ANKRD36: variants seen among roughly 807,000 people sequenced by gnomAD.
ANKRD36 encodes the protein ankyrin repeat domain 36, also known as ankyrin repeat domain-containing protein 36A.
ANKRD36 carries 179 observed loss-of-function variants against 278.1 expected under a neutral mutation model. The observed-to-expected ratio is 0.64, with a 90% CI of 0.57 to 0.73. The LOEUF is 0.73. Ranked by LOEUF, ANKRD36 falls within the 30% of genes least tolerant of loss-of-function variation. The probability of loss-of-function intolerance (pLI) is 0.00; values close to 1 mark genes in which losing one functional copy is unlikely to be tolerated. For missense variants in ANKRD36, 1,159 were observed against 1,956.7 expected (o/e 0.59, Z 7.69); for synonymous variants, 320 against 641.1 (o/e 0.50, Z 7.57).
At chr2:97,225,278 C>A (rs2069056035) in intron 67 of ANKRD36, among the ~76,000 whole-genome samples, 1 of 151,978 alleles carries the variant, frequency 6.6e-6, no homozygotes, top group African/African-American at 2.4e-5. Context: ...TCAAACTTTG[C>A]AGTTTTTTTA....
intron 6 of ANKRD36, among the ~76,000 whole-genome samples, chr2:97,135,631 C>T (rs2443902): frequency 0.84 from 125,525 of 149,204 alleles, 54,256 homozygotes; most frequent in Non-Finnish European, 0.89. Context: ...TCACGTGATC[C>T]TGGATCCGTG....
intron 32 of ANKRD36, among the ~76,000 whole-genome samples, 167 bp from the exon 33 acceptor site, chr2:97,188,920 A>C (rs1242153131): frequency 1.1e-5 from 1 of 89,484 alleles, no homozygotes; most frequent in African/African-American, 2.6e-5. Flanking sequence ...ATTCCCTTTT[A>C]CCAGTGTATT....
intron 1 of ANKRD36, among the ~76,000 whole-genome samples, chr2:97,117,188 G>GT: frequency 6.6e-6 from 1 of 150,706 alleles, no homozygotes; most frequent in Non-Finnish European, 1.5e-5. Flanking sequence ...ATAACATTCT[G>GT]TAAGTATTGA....
chr2:97,134,920 TA>T (rs980370843), intron 6 of ANKRD36, among the ~76,000 whole-genome samples: 4 of 152,032 alleles, frequency 2.6e-5, no homozygotes, highest in Non-Finnish European at 5.9e-5. Flanking sequence ...TTGAAGGAGC[TA>T]AAAAAGAAAG....
intron 14 of ANKRD36, among the ~76,000 whole-genome samples, chr2:97,154,100 G>T (rs879164854): frequency 1.3e-3 from 193 of 144,698 alleles, no homozygotes; most frequent in African/African-American, 4.6e-3. Context: ...TCAAACATTT[G>T]CAGTGTTTCA....
At chr2:97,206,247 G>T (rs1256321525) in intron 52 of ANKRD36, 112 bp downstream of exon 52, 7 of 1,212,832 alleles carry the variant, frequency 5.8e-6, no homozygotes, top group African/African-American at 1.5e-5. Flanking sequence ...GATTCAGCAG[G>T]CCGGAGATTC....
intron 8 of ANKRD36, among the ~76,000 whole-genome samples, chr2:97,143,553 A>G (rs911495611): frequency 6.6e-5 from 10 of 152,164 alleles, no homozygotes; most frequent in Non-Finnish European, 1.3e-4. Flanking sequence ...AAATAGGCTA[A>G]TCATGAATAT....
intron 46 of ANKRD36, 148 bp downstream of exon 46, chr2:97,200,673 C>A (rs1422262528): frequency 7.6e-7 from 1 of 1,319,250 alleles, no homozygotes; most frequent in African/African-American, 1.5e-5. Flanking sequence ...TTGGGTTATG[C>A]TGATGCTGCT....
intron 3 of ANKRD36, among the ~76,000 whole-genome samples, chr2:97,120,276 A>T (rs1192908953): frequency 1.4e-5 from 1 of 69,242 alleles, no homozygotes; most frequent in African/African-American, 3.9e-5. Context: ...ACCTTTTTTT[A>T]AAGCTGAAGC....
At position 97,219,071 on chromosome 2, in the gene ANKRD36, C is replaced by T. The variant is rs1179633144; in HGVS notation, c.3797C>T (p.Thr1266Ile). The change falls in exon 65 of 76, where the codon ACC becomes ATC. Residue 1266 changes from threonine to isoleucine, a missense_variant. Physicochemically the swap from Thr to Ile is moderately conservative, Grantham distance 89 (BLOSUM62 -1). Coordinates refer to ENST00000420699, the MANE Select transcript of ANKRD36 (RefSeq NM_001354587.1). ...SGTEYPENLP[T>I]LKATIENKNS... ...TTAGAGTATCCTGAGAATCTGCCCA[C>T]CTTGAAGGTAATTACTCTTACATTT... The T allele has an allele frequency of 1.9e-6, 3 of 1,543,500 alleles. No individual in the cohort carries two copies. Among genetic ancestry groups the T allele is most frequent in the Non-Finnish European group, 2.6e-6 (3 of 1,141,970 alleles).
At chr2:97,224,568 G>C (rs1264515136) in intron 66 of ANKRD36, among the ~76,000 whole-genome samples, 1 of 151,720 alleles carries the variant, frequency 6.6e-6, no homozygotes, top group East Asian at 2.0e-4. Context: ...TCCTGCACCA[G>C]CCTCCCGACT....
chr2:97,191,604 C>A (rs535224323), intron 36 of ANKRD36, among the ~76,000 whole-genome samples: 1 of 151,686 alleles, frequency 6.6e-6, no homozygotes, highest in Admixed American at 6.6e-5. Context: ...CCTACGGAGA[C>A]CCCTCCTGTA....
intron 6 of ANKRD36, among the ~76,000 whole-genome samples, chr2:97,133,283 G>A (rs973921911): frequency 5.3e-5 from 8 of 151,728 alleles, no homozygotes; most frequent in East Asian, 2.0e-4. Flanking sequence ...TTTCATTTGC[G>A]TCAGTTGCAA....
At chr2:97,177,139 C>T (rs1408270040) in intron 22 of ANKRD36, among the ~76,000 whole-genome samples, 5 of 151,704 alleles carry the variant, frequency 3.3e-5, no homozygotes, top group African/African-American at 9.7e-5. Context: ...AGGAACTCTT[C>T]AAGGAGAACT....
At chr2:97,166,299 A>T (rs1326376835) in intron 20 of ANKRD36, among the ~76,000 whole-genome samples, 1 of 150,670 alleles carries the variant, frequency 6.6e-6, no homozygotes, top group Non-Finnish European at 1.5e-5. Flanking sequence ...GTGAGTGAAT[A>T]GAAACTATGA....
At chr2:97,199,455 G>A (rs976926747) in intron 44 of ANKRD36, among the ~76,000 whole-genome samples, 3 of 151,904 alleles carry the variant, frequency 2.0e-5, no homozygotes, top group Non-Finnish European at 2.9e-5. Flanking sequence ...CACTTCTTTA[G>A]AGAATAACAC....
intron 6 of ANKRD36, among the ~76,000 whole-genome samples, chr2:97,135,519 G>T (rs1033359018): frequency 7.9e-5 from 12 of 150,982 alleles, no homozygotes; most frequent in Non-Finnish European, 1.5e-4. Flanking sequence ...ATGATAAAAT[G>T]GCTATGTGAT....
intron 3 of ANKRD36, 48 bp from the exon 4 acceptor site, chr2:97,122,839 G>A (rs1371713894): frequency 6.7e-7 from 1 of 1,490,720 alleles, no homozygotes; most frequent in East Asian, 2.6e-5. Context: ...CAGTTCAGTT[G>A]ATAAATATGT....
At chr2:97,161,517 G>C (rs948766008) in intron 17 of ANKRD36, among the ~76,000 whole-genome samples, 5 of 151,976 alleles carry the variant, frequency 3.3e-5, no homozygotes, top group Non-Finnish European at 7.4e-5. Flanking sequence ...GTCTTTCAGG[G>C]TGACCTTTCT....
Sources: allele counts gnomAD v4.1 joint callset (sites outside exome capture counted in the v4.1 genomes callset), GRCh38; gene constraint gnomAD v4.1.1; transcripts MANE v1.5; gene names NCBI Gene and HGNC (gene_info 2026-07-23, HGNC 2026-07-21).